SGK3: variants seen among roughly 807,000 people sequenced by gnomAD.
The protein encoded by SGK3 is serine/threonine-protein kinase Sgk3.
SGK3 carries 47 observed loss-of-function variants against 68.5 expected under a neutral mutation model. The ratio of observed to expected loss-of-function variants is 0.69; its 90% CI spans 0.54 to 0.87. SGK3 has a LOEUF of 0.87. Ranked by LOEUF, SGK3 falls within the 40% of genes least tolerant of loss-of-function variation. The pLI is 0.00. For synonymous variants in SGK3, 181 were observed against 189.1 expected, an observed-to-expected ratio of 0.96 and a Z score of 0.35; for missense variants, 479 against 575.5, an observed-to-expected ratio of 0.83 and a Z score of 1.72.
chr8:66,746,849 T>C (rs1024227517), intron 1 of SGK3, among the ~76,000 whole-genome samples: 1 of 151,956 alleles, frequency 6.6e-6, no homozygotes, highest in Non-Finnish European at 1.5e-5. Context: ...GTGTAAGCCA[T>C]CATGTGGGCC....
chr8:66,729,102 C>T (rs1451155957), intron 1 of SGK3, among the ~76,000 whole-genome samples: 7 of 151,100 alleles, frequency 4.6e-5, no homozygotes, highest in Admixed American at 3.3e-4. Context: ...ACCTGTAGTC[C>T]CAGCTACTTG....
chr8:66,728,023 T>C (rs1199475602), intron 1 of SGK3, among the ~76,000 whole-genome samples: 1 of 152,156 alleles, frequency 6.6e-6, no homozygotes, highest in Non-Finnish European at 1.5e-5. Flanking sequence ...ACCATTAAAG[T>C]TGCTTTTTAA....
At chr8:66,749,932 GGTGTGTGTGTGTGTGT>G (rs139702561) in intron 1 of SGK3, among the ~76,000 whole-genome samples, 1 of 144,834 alleles carries the variant, frequency 6.9e-6, no homozygotes, top group South Asian at 2.2e-4. Flanking sequence ...TAGTTTCTAG[GGTGTGTGTGTGTGTGT>G]GTGTGTGTGT....
chr8:66,730,293 T>TA (rs1225574373), intron 1 of SGK3, among the ~76,000 whole-genome samples: 1 of 152,080 alleles, frequency 6.6e-6, no homozygotes, highest in Non-Finnish European at 1.5e-5. Context: ...CTTTCCTTAT[T>TA]AAAAAAAATT....
chr8:66,828,297 C>T lies in SGK3; in HGVS notation c.418-357C>T, dbSNP rs185462210. 5.9e-3 allele frequency among the ~76,000 whole-genome samples: 893 copies of T among 152,282 alleles called. 6 individuals are homozygous for T. Among genetic ancestry groups the T allele is most frequent in the Non-Finnish European group, 8.0e-3 (545 of 68,016 alleles). The stretch of plus-strand genomic sequence containing the variant: ...TTTGAAAACTTGAAAAACAAAAAGC[C>T]ATTTTTAACCAGTTTTTTAGAAAGT... On this transcript the variant is annotated intron_variant, in intron 6 of 16. Coordinates refer to ENST00000521198, the MANE Select transcript of SGK3 (RefSeq NM_001033578.3).
At chr8:66,843,575 A>G (rs748924139) in intron 14 of SGK3, 28 bp downstream of exon 14, 3 of 1,594,284 alleles carry the variant, frequency 1.9e-6, no homozygotes, top group Non-Finnish European at 2.6e-6. Flanking sequence ...TCATTATTCC[A>G]ATGTATTATC....
chr8:66,842,321 C>T (rs548327537), intron 13 of SGK3, among the ~76,000 whole-genome samples: 6 of 150,996 alleles, frequency 4.0e-5, no homozygotes, highest in Non-Finnish European at 7.4e-5. Context: ...CCCAGGTTCA[C>T]GCCATTCTCC....
intron 5 of SGK3, among the ~76,000 whole-genome samples, chr8:66,821,736 A>G (rs2130669020): frequency 7.5e-6 from 1 of 132,856 alleles, no homozygotes; most frequent in East Asian, 2.2e-4. Context: ...CATGTTAGCC[A>G]GGATGGTCTC....
chr8:66,712,783 A>G lies in SGK3; in HGVS notation c.-172A>G, dbSNP rs1342143312. The G allele has an allele frequency of 6.6e-6, 1 of 151,342 alleles. No individual in the cohort carries two copies. The highest frequency in any genetic ancestry group is 2.4e-5 in the African/African-American group (1 of 41,318). The allele number at this position is 151,342 out of a possible 1,614,324, so 9.4% of individuals were successfully genotyped here. A position where few individuals can be genotyped will look rare whatever the true frequency, so the allele number is the denominator to read the frequency against. ...GGCCCTGCCGGGAAGGAGGAAGCGC[A>G]GTGCGTTCGGCTCCGCGCCCGCCGC... On this transcript the variant is annotated 5_prime_UTR_variant, in exon 1 of 17. Transcript: ENST00000521198.
chr8:66,858,951 A>C (rs955271028), intron 16 of SGK3, among the ~76,000 whole-genome samples: 1 of 152,180 alleles, frequency 6.6e-6, no homozygotes, highest in Admixed American at 6.6e-5. Flanking sequence ...GGAAAGGAAA[A>C]GCAGAAAAGC....
intron 4 of SGK3, among the ~76,000 whole-genome samples, chr8:66,810,688 T>G (rs1039518215): frequency 1.3e-5 from 2 of 152,140 alleles, no homozygotes; most frequent in Admixed American, 6.6e-5. Context: ...GCAACAAGAA[T>G]GAAACTCCGT....
At chr8:66,788,366 C>T (rs2130553748) in intron 1 of SGK3, among the ~76,000 whole-genome samples, 1 of 152,364 alleles carries the variant, frequency 6.6e-6, no homozygotes, top group Middle Eastern at 3.4e-3. Context: ...GTCATTGCAT[C>T]TCTTCCTGGG....
intron 1 of SGK3, among the ~76,000 whole-genome samples, chr8:66,752,474 T>C (rs1299897092): frequency 6.7e-6 from 1 of 149,824 alleles, no homozygotes; most frequent in Non-Finnish European, 1.5e-5. Flanking sequence ...AGCATTAAAT[T>C]TAGGGGGCTA....
At chr8:66,820,583 C>T (rs1808770377) in intron 5 of SGK3, among the ~76,000 whole-genome samples, 1 of 152,176 alleles carries the variant, frequency 6.6e-6, no homozygotes, top group African/African-American at 2.4e-5. Flanking sequence ...TTTGGAATTG[C>T]AGGGTCATAA....
At chr8:66,716,567 G>A in intron 1 of SGK3, among the ~76,000 whole-genome samples, 1 of 127,186 alleles carries the variant, frequency 7.9e-6, no homozygotes, top group East Asian at 2.8e-4. Flanking sequence ...TGGGCGGGGG[G>A]GTTGGGGGTG....
intron 4 of SGK3, among the ~76,000 whole-genome samples, chr8:66,805,962 A>G (rs1356805169): frequency 6.6e-6 from 1 of 152,152 alleles, no homozygotes; most frequent in Non-Finnish European, 1.5e-5. Context: ...AGACCATATC[A>G]CTGTGTCCTA....
chr8:66,796,709 C>G (rs1401723037), intron 2 of SGK3, among the ~76,000 whole-genome samples: 1 of 152,072 alleles, frequency 6.6e-6, no homozygotes, highest in Non-Finnish European at 1.5e-5. Context: ...TAAACCAAGT[C>G]TAAATTATAT....
At chr8:66,851,370 T>C (rs1810277986) in intron 16 of SGK3, among the ~76,000 whole-genome samples, 1 of 151,774 alleles carries the variant, frequency 6.6e-6, no homozygotes, top group South Asian at 2.1e-4. Context: ...AAAAAAAAAT[T>C]ATCCGGGTGT....
intron 4 of SGK3, among the ~76,000 whole-genome samples, chr8:66,806,814 GAAAAAAA>G (rs71249409): frequency 4.7e-5 from 4 of 84,636 alleles, no homozygotes; most frequent in African/African-American, 1.7e-4. Context: ...ACTCTGTCTC[GAAAAAAA>G]AAAAAAAAAA....
Sources: allele counts gnomAD v4.1 joint callset (sites outside exome capture counted in the v4.1 genomes callset), GRCh38; gene constraint gnomAD v4.1.1; transcripts MANE v1.5; gene names NCBI Gene and HGNC (gene_info 2026-07-23, HGNC 2026-07-21).